REPS1: variants seen among roughly 807,000 people sequenced by gnomAD.
REPS1 encodes the protein RALBP1 associated Eps domain containing 1, also known as ralBP1-associated Eps domain-containing protein 1.
Under a neutral mutation model 100.9 loss-of-function variants are expected in REPS1, and 39 were observed. The observed-to-expected ratio is 0.39, with a 90% CI of 0.30 to 0.50. The LOEUF is 0.50. REPS1 is among the 20% of genes least tolerant of loss of function. REPS1 has a pLI of 0.86. For synonymous variants in REPS1, 324 were observed against 340.3 expected (o/e 0.95, Z 0.53); for missense variants, 821 against 968.5 (o/e 0.85, Z 2.02).
chr6:138,934,056 T>C (rs1221477035), intron 8 of REPS1, among the ~76,000 whole-genome samples: 1 of 152,246 alleles, frequency 6.6e-6, no homozygotes, highest in Non-Finnish European at 1.5e-5. Context: ...TTCTTTCCTA[T>C]GTTCTAGAAA....
At chr6:138,937,616 T>C (rs997767041) in intron 8 of REPS1, among the ~76,000 whole-genome samples, 3 of 152,160 alleles carry the variant, frequency 2.0e-5, no homozygotes, top group Non-Finnish European at 4.4e-5. Context: ...CTGTGTAAAG[T>C]AGGGATCATG....
chr6:138,909,050 AACAT>A, intron 17 of REPS1: 4 of 481,670 alleles, frequency 8.3e-6, no homozygotes, highest in Non-Finnish European at 1.5e-5. Flanking sequence ...TTTTTAGAGC[AACAT>A]ACTGATGCAA....
chr6:138,979,274 T>A (rs908077852), intron 1 of REPS1, among the ~76,000 whole-genome samples: 9 of 151,344 alleles, frequency 5.9e-5, no homozygotes, highest in African/African-American at 2.2e-4. Context: ...CACTCCTGCT[T>A]TCTCAAGGAC....
At chr6:138,914,616 A>C in intron 15 of REPS1, 81 bp downstream of exon 15, 1 of 1,149,820 alleles carries the variant, frequency 8.7e-7, no homozygotes, top group South Asian at 1.2e-5. Flanking sequence ...CTGACCTTCC[A>C]AATAATTTGA....
At chr6:138,909,207 G>A (rs1188869) in intron 17 of REPS1, among the ~76,000 whole-genome samples, 95,030 of 151,996 alleles carry the variant, frequency 0.63, 30,043 homozygotes, top group Non-Finnish European at 0.66. Context: ...ATTCATCTTA[G>A]TGAATAAAAT....
At chr6:138,923,639 G>A (rs1780919876) in intron 10 of REPS1, among the ~76,000 whole-genome samples, 1 of 152,104 alleles carries the variant, frequency 6.6e-6, no homozygotes, top group Non-Finnish European at 1.5e-5. Flanking sequence ...GCTACTAACT[G>A]ACAAGCAGTT....
intron 16 of REPS1, among the ~76,000 whole-genome samples, chr6:138,912,440 G>A (rs1780072939): frequency 6.6e-6 from 1 of 152,168 alleles, no homozygotes; most frequent in African/African-American, 2.4e-5. Context: ...TGGTAACCAT[G>A]GCCTCTTATG....
At chr6:138,905,792 G>A (rs1421336814) in intron 19 of REPS1, among the ~76,000 whole-genome samples, 2 of 152,082 alleles carry the variant, frequency 1.3e-5, no homozygotes, top group African/African-American at 4.8e-5. Flanking sequence ...TTTCCCTAGT[G>A]ATGACATCTG....
chr6:138,913,491 G>C (rs1188865), intron 15 of REPS1, among the ~76,000 whole-genome samples: 122,505 of 152,100 alleles, frequency 0.81, 49,539 homozygotes, highest in African/African-American at 0.86. Context: ...TACTGAATAT[G>C]TACTTGTGAA....
rs568626153 is a variant in REPS1 at position 138,979,180 on chromosome 6, C to CAAAAAAAAAAAAAAAA, written c.153+8334_153+8349dup. Among the ~76,000 whole-genome samples the CAAAAAAAAAAAAAAAA allele has an allele frequency of 2.7e-4, 16 of 59,316 alleles. 1 individual carries two copies. The highest frequency in any genetic ancestry group is 6.8e-4 in the South Asian group (1 of 1,478). The allele number at this position is 59,316 out of a possible 152,430, so 38.9% of individuals were successfully genotyped here. A position where few individuals can be genotyped will look rare whatever the true frequency, so the allele number is the denominator to read the frequency against. On this transcript the variant is annotated intron_variant, in intron 1 of 19. Coordinates refer to ENST00000450536, the MANE Select transcript of REPS1 (RefSeq NM_001286611.2). ...TGGGCGACAGAGCGAGAATCCATCACAAAAAAAAAAAAAAAAACAAAAAAA... is the reference window on the plus strand; with the variant it reads ...TGGGCGACAGAGCGAGAATCCATCACAAAAAAAAAAAAAAAAAAAAAAAAAAAAAAAAACAAAAAAA...
In REPS1 at chr6:138,950,924, C is replaced by T. The variant is rs150387590; in HGVS notation, c.154-3011G>A. On this transcript the variant is annotated intron_variant, in intron 1 of 19. Coordinates refer to ENST00000450536, the MANE Select transcript of REPS1 (RefSeq NM_001286611.2). Reference sequence around the variant, plus strand: ...AAACTCTTAAGGCCGGGCGCGGCAGCTCACGCCTGTAATCGCAGCACTTTG... The same window carrying T: ...AAACTCTTAAGGCCGGGCGCGGCAGTTCACGCCTGTAATCGCAGCACTTTG... 1.5e-3 allele frequency: 231 copies of T among 152,326 alleles called. 1 individual carries two copies. Among genetic ancestry groups the T allele is most frequent in the African/African-American group, 5.2e-3 (218 of 41,560 alleles). 9.4% of individuals were successfully genotyped at this position (152,326 alleles called of 1,614,324 possible). A position where few individuals can be genotyped will look rare whatever the true frequency, so the allele number is the denominator to read the frequency against.
chr6:138,924,272 G>A (rs1202076184), intron 10 of REPS1, among the ~76,000 whole-genome samples: 1 of 152,078 alleles, frequency 6.6e-6, no homozygotes. Context: ...CCAATTCAGA[G>A]GTCTAAATTC....
chr6:138,978,851 C>T (rs1293184052), intron 1 of REPS1, among the ~76,000 whole-genome samples: 5 of 152,120 alleles, frequency 3.3e-5, no homozygotes, highest in Non-Finnish European at 5.9e-5. Context: ...TTCCTACTTG[C>T]GTCTGTAACC....
chr6:138,932,249 T>G (rs2128459704), intron 8 of REPS1, among the ~76,000 whole-genome samples: 1 of 152,258 alleles, frequency 6.6e-6, no homozygotes, highest in Middle Eastern at 3.4e-3. Context: ...ACTTTACCGC[T>G]ATTTCAATAG....
intron 1 of REPS1, among the ~76,000 whole-genome samples, chr6:138,969,688 C>A (rs942871198): frequency 2.0e-5 from 3 of 151,964 alleles, no homozygotes; most frequent in African/African-American, 7.3e-5. Flanking sequence ...GCACATGCAG[C>A]CTCTCTGTAG....
At chr6:138,986,923 C>A (rs1022849701) in intron 1 of REPS1, among the ~76,000 whole-genome samples, 6 of 152,186 alleles carry the variant, frequency 3.9e-5, no homozygotes, top group Admixed American at 3.9e-4. Context: ...CTTTCGAATG[C>A]CTGTTGAAAA....
At position 138,930,072 on chromosome 6, in the gene REPS1, C is replaced by T. The variant is rs748534699; in HGVS notation, c.1162G>A (p.Gly388Ser). Reference protein sequence around the residue: ...ADVGDQPGEVGYSGSPAEAPP... With the variant: ...ADVGDQPGEVSYSGSPAEAPP... The stretch of plus-strand genomic sequence containing the variant: ...GCTTCAGCAGGAGAGCCTGAATAAC[C>T]TACCTCACCTGGCTGATCCCCAACA... The change falls in exon 9 of 20, where the codon GGT (glycine) becomes AGT (serine). Residue 388 changes from glycine to serine, a missense_variant. Coordinates refer to ENST00000450536, the MANE Select transcript of REPS1 (RefSeq NM_001286611.2). 1 of 1,613,252 alleles carries T rather than the reference C, an allele frequency of 6.2e-7. No homozygotes were observed. The highest frequency in any genetic ancestry group is 8.5e-7 in the Non-Finnish European group (1 of 1,179,448).
At chr6:138,916,218 C>CCTT (rs1780373487) in intron 13 of REPS1, 2 of 207,438 alleles carry the variant, frequency 9.6e-6, no homozygotes, top group Non-Finnish European at 1.7e-5. Flanking sequence ...TTCTTTTTTT[C>CCTT]TTTTTTTTTT....
intron 9 of REPS1, chr6:138,928,957 T>C (rs1205025107): frequency 6.6e-6 from 1 of 152,162 alleles, no homozygotes; most frequent in Non-Finnish European, 1.5e-5. Flanking sequence ...CTGGCTGCAA[T>C]TATGTCATAA....
Sources: allele counts gnomAD v4.1 joint callset (sites outside exome capture counted in the v4.1 genomes callset), GRCh38; gene constraint gnomAD v4.1.1; transcripts MANE v1.5; gene names NCBI Gene and HGNC (gene_info 2026-07-23, HGNC 2026-07-21).